Variants in MARCHF11 observed in about 807,000 individuals in gnomAD.
MARCHF11 encodes E3 ubiquitin-protein ligase MARCHF11.
A neutral mutation model predicts 37.3 loss-of-function variants in MARCHF11; 29 were observed. The observed-to-expected ratio is 0.78, with a 90% CI of 0.58 to 1.06. The LOEUF (loss-of-function observed/expected upper bound fraction) is 1.06, where lower values mean the gene tolerates loss of function less well. MARCHF11 is among the 50% of genes least tolerant of loss of function. The pLI, the probability that MARCHF11 is intolerant of heterozygous loss-of-function variation, is 0.00. For synonymous variants in MARCHF11, 233 were observed against 228.0 expected (o/e 1.02, Z -0.20); for missense variants, 482 against 533.4 (o/e 0.90, Z 0.95).
intron 2 of MARCHF11, among the ~76,000 whole-genome samples, chr5:16,151,866 G>A (rs1579414496): frequency 6.9e-6 from 1 of 145,650 alleles, no homozygotes; most frequent in East Asian, 1.9e-4. Context: ...TTTTAGTTTT[G>A]TTTTTGTTGT....
In MARCHF11 at chr5:16,145,398, C is replaced by T. The variant is rs185749222; in HGVS notation, c.693+32328G>A. ...TCCACCATGTGGGGACCTTTCTCCC[C>T]TCTGGAGGACACAGCAACCAAGTCA... On this transcript the variant is annotated intron_variant, in intron 2 of 3. Transcript: ENST00000332432. Among the ~76,000 whole-genome samples the T allele has an allele frequency of 3.4e-3, 514 of 152,272 alleles. 8 individuals are homozygous for T. Among genetic ancestry groups the T allele is most frequent in the African/African-American group, 0.012 (493 of 41,562 alleles).
chr5:16,149,251 G>C (rs1046290405), intron 2 of MARCHF11, among the ~76,000 whole-genome samples: 1 of 152,102 alleles, frequency 6.6e-6, no homozygotes, highest in African/African-American at 2.4e-5. Flanking sequence ...AATCACCACT[G>C]CATCTTGTTT....
chr5:16,154,877 C>A (rs1190017615), intron 2 of MARCHF11, among the ~76,000 whole-genome samples: 2 of 151,754 alleles, frequency 1.3e-5, no homozygotes, highest in African/African-American at 4.8e-5. Flanking sequence ...CACTACCCTG[C>A]AATGCTGATG....
At chr5:16,169,277 C>T (rs551904965) in intron 2 of MARCHF11, among the ~76,000 whole-genome samples, 14 of 152,096 alleles carry the variant, frequency 9.2e-5, no homozygotes, top group African/African-American at 3.1e-4. Context: ...TCCTCACCCC[C>T]GACACCCCAT....
chr5:16,106,082 C>A (rs1020368874), intron 2 of MARCHF11, among the ~76,000 whole-genome samples: 3 of 152,132 alleles, frequency 2.0e-5, no homozygotes, highest in African/African-American at 7.2e-5. Flanking sequence ...GGACAGACAT[C>A]AATGCAAGCT....
intron 3 of MARCHF11, among the ~76,000 whole-genome samples, chr5:16,083,546 C>T (rs774599565): frequency 3.3e-5 from 5 of 152,282 alleles, no homozygotes; most frequent in East Asian, 3.9e-4. Context: ...GGCTCTCCTG[C>T]GGTCTTGGGC....
chr5:16,087,196 T>C (rs1348003941), intron 3 of MARCHF11, among the ~76,000 whole-genome samples: 1 of 152,236 alleles, frequency 6.6e-6, no homozygotes, highest in Non-Finnish European at 1.5e-5. Context: ...TAAGTACAGA[T>C]TGAAAATTAA....
intron 2 of MARCHF11, among the ~76,000 whole-genome samples, chr5:16,099,936 A>T (rs1204844296): frequency 6.6e-6 from 1 of 152,184 alleles, no homozygotes; most frequent in Non-Finnish European, 1.5e-5. Flanking sequence ...TCAGGATTTC[A>T]TGTTATTGTA....
intron 2 of MARCHF11, among the ~76,000 whole-genome samples, chr5:16,109,980 T>C (rs1332601203): frequency 1.3e-5 from 2 of 152,162 alleles, no homozygotes; most frequent in Non-Finnish European, 2.9e-5. Context: ...CTAGAACATA[T>C]GTGCTCAAAG....
At chr5:16,119,341 A>ATT (rs1737274477) in intron 2 of MARCHF11, among the ~76,000 whole-genome samples, 1 of 151,812 alleles carries the variant, frequency 6.6e-6, no homozygotes, top group Admixed American at 6.6e-5. Flanking sequence ...CAGCCTGGGC[A>ATT]ACAGAGTGAG....
chr5:16,071,272 T>C (rs1415126774), intron 3 of MARCHF11, among the ~76,000 whole-genome samples: 1 of 152,226 alleles, frequency 6.6e-6, no homozygotes, highest in Non-Finnish European at 1.5e-5. Context: ...CACTACATTA[T>C]TAACAGCATG....
intron 3 of MARCHF11, among the ~76,000 whole-genome samples, chr5:16,090,686 A>AT (rs918565528): frequency 5.3e-5 from 8 of 151,430 alleles, no homozygotes; most frequent in African/African-American, 1.7e-4. Context: ...TATCCTGTTA[A>AT]TTTTTTTTCA....
rs550021238 is a variant in MARCHF11, at chr5:16,100,106, C to T, written c.694-9025G>A. ...GAGGGATGGGTTACACTGGGGGTTC[C>T]TGGGATAAGTGTCCAAGACCATGTG... is the stretch of plus-strand genomic sequence containing the variant. On this transcript the variant is annotated intron_variant, in intron 2 of 3. Transcript: ENST00000332432. 1.5e-4 allele frequency among the ~76,000 whole-genome samples: 23 copies of T among 152,194 alleles called. 1 individual carries two copies. In the South Asian group the frequency reaches 4.8e-3, roughly 32 times the overall value.
In MARCHF11 at chr5:16,075,916, C is replaced by T. The variant is rs190704198; in HGVS notation, c.887-8123G>A. Among the ~76,000 whole-genome samples, 4 of 152,062 alleles carry T rather than the reference C, an allele frequency of 2.6e-5. No individual in the cohort carries two copies. The East Asian group carries it at 7.7e-4, about 29-fold the overall frequency. On this transcript the variant is annotated intron_variant, in intron 3 of 3. Coordinates refer to ENST00000332432, the MANE Select transcript of MARCHF11 (RefSeq NM_001102562.3). ...ATTCTTTGAAAGGATCTGTGTTCAG[C>T]CCCAGCAAACTGTAGCTGTCTCCTC...
intron 2 of MARCHF11, among the ~76,000 whole-genome samples, chr5:16,120,294 A>C (rs1396673557): frequency 6.6e-6 from 1 of 152,216 alleles, no homozygotes; most frequent in Non-Finnish European, 1.5e-5. Flanking sequence ...GAATCAACAG[A>C]AAAGGGCAGT....
At chr5:16,173,468 A>G (rs1738306679) in intron 2 of MARCHF11, among the ~76,000 whole-genome samples, 1 of 152,218 alleles carries the variant, frequency 6.6e-6, no homozygotes, top group Non-Finnish European at 1.5e-5. Flanking sequence ...CAATAAGGAC[A>G]TAAATAAGAC....
chr5:16,078,451 T>A (rs948519305), intron 3 of MARCHF11, among the ~76,000 whole-genome samples: 1 of 152,158 alleles, frequency 6.6e-6, no homozygotes, highest in African/African-American at 2.4e-5. Flanking sequence ...AAAACATCTA[T>A]GGGCTTCATT....
chr5:16,111,070 G>A (rs886930313), intron 2 of MARCHF11, among the ~76,000 whole-genome samples: 61 of 152,308 alleles, frequency 4.0e-4, no homozygotes, highest in African/African-American at 1.4e-3. Flanking sequence ...GGAACCGTGA[G>A]TCCATTAAAC....
chr5:16,114,826 C>T (rs1269346749), intron 2 of MARCHF11, among the ~76,000 whole-genome samples: 2 of 151,846 alleles, frequency 1.3e-5, no homozygotes, highest in East Asian at 1.9e-4. Flanking sequence ...GAAACGGCTA[C>T]CATAATTATT....
Sources: gnomAD v4.1 joint callset for allele counts (sites outside exome capture counted in the v4.1 genomes callset) on GRCh38, gnomAD v4.1.1 for gene constraint, MANE v1.5 for transcripts, NCBI Gene and HGNC (gene_info 2026-07-23, HGNC 2026-07-21) for gene names.